The following RNF130 variants were observed in gnomAD, a reference collection of about 807,000 sequenced individuals.
RNF130 encodes E3 ubiquitin-protein ligase RNF130.
Under a neutral mutation model 44.6 loss-of-function variants are expected in RNF130, and 21 were observed. That is an observed-to-expected ratio of 0.47 (90% CI 0.33 to 0.68). RNF130 has a LOEUF of 0.68. Among genes scored for constraint, RNF130 ranks in the 30% least tolerant of loss-of-function variants. The pLI is 0.02. For synonymous variants in RNF130, 214 were observed against 210.4 expected, an observed-to-expected ratio of 1.02 and a Z score of -0.15; for missense variants, 479 against 560.6, an observed-to-expected ratio of 0.85 and a Z score of 1.47.
intron 5 of RNF130, among the ~76,000 whole-genome samples, chr5:179,976,388 A>C (rs1275946816): frequency 6.6e-6 from 1 of 152,218 alleles, no homozygotes; most frequent in Non-Finnish European, 1.5e-5. Flanking sequence ...ACAGCAAGAC[A>C]GAATTTGGAG....
At chr5:180,070,307 C>T (rs890689820) in intron 1 of RNF130, among the ~76,000 whole-genome samples, 1 of 152,212 alleles carries the variant, frequency 6.6e-6, no homozygotes, top group Non-Finnish European at 1.5e-5. Context: ...GCACCTTAAG[C>T]ACCTGATTAC....
At chr5:179,981,121 T>A (rs1469672908) in intron 3 of RNF130, among the ~76,000 whole-genome samples, 1 of 151,472 alleles carries the variant, frequency 6.6e-6, no homozygotes, top group East Asian at 1.9e-4. Context: ...GGGGTAGGAG[T>A]GGGTTCCAGG....
chr5:180,043,666 G>A (rs528412392), intron 1 of RNF130, among the ~76,000 whole-genome samples: 79 of 152,186 alleles, frequency 5.2e-4, no homozygotes, highest in South Asian at 4.0e-3. Flanking sequence ...CAAACATACT[G>A]CAGGAGGACT....
At chr5:180,007,893 A>G (rs1204761873) in intron 3 of RNF130, among the ~76,000 whole-genome samples, 1 of 151,902 alleles carries the variant, frequency 6.6e-6, no homozygotes, top group Non-Finnish European at 1.5e-5. Context: ...CCACTAACAC[A>G]GGCTTGCCTG....
intron 3 of RNF130, among the ~76,000 whole-genome samples, chr5:179,984,311 C>T (rs1408508287): frequency 2.0e-5 from 3 of 152,048 alleles, no homozygotes; most frequent in Non-Finnish European, 4.4e-5. Context: ...ATCTAAAGAA[C>T]AACGCAGAAA....
At chr5:179,914,050 C>G (rs1039063981) in exon 8 of RNF130, 45 of 152,262 alleles carry the variant, frequency 3.0e-4, no homozygotes, top group African/African-American at 1.0e-3. Context: ...AGTCCTTCTG[C>G]AAGGCTCTTA....
exon 8 of RNF130, chr5:179,911,880 C>A (rs891910422): frequency 3.3e-5 from 5 of 152,202 alleles, no homozygotes; most frequent in Non-Finnish European, 7.3e-5. Context: ...GTGTTCCAGA[C>A]AAGAAAACTC....
chr5:180,059,557 C>A (rs1467838596), intron 1 of RNF130, among the ~76,000 whole-genome samples: 1 of 152,156 alleles, frequency 6.6e-6, no homozygotes, highest in Non-Finnish European at 1.5e-5. Flanking sequence ...TTTTTCTGAT[C>A]CAGATGAATT....
At chr5:179,959,718 T>C (rs935975854) in intron 8 of RNF130, among the ~76,000 whole-genome samples, 2 of 152,124 alleles carry the variant, frequency 1.3e-5, no homozygotes, top group Non-Finnish European at 1.5e-5. Flanking sequence ...AAGGAGTTTA[T>C]ATATATAAAT....
chr5:179,918,657 G>A (rs549379535), exon 8 of RNF130: 13 of 152,164 alleles, frequency 8.5e-5, no homozygotes, highest in African/African-American at 2.6e-4. Flanking sequence ...TTTATAGTAC[G>A]AAGACTATCA....
In RNF130 at chr5:180,065,478, A is replaced by C. The variant is rs188425358; in HGVS notation, c.247+5978T>G. The stretch of plus-strand genomic sequence containing the variant: ...AAGAAGTGGTTAAAGTACAGGCACT[A>C]GGCCGGTCACGGTGGCTCACACTTG... On this transcript the variant is annotated intron_variant, in intron 1 of 8. Coordinates refer to ENST00000521389, the MANE Select transcript of RNF130 (RefSeq NM_018434.6). Among the ~76,000 whole-genome samples, 77 of 152,278 alleles carry C rather than the reference A, an allele frequency of 5.1e-4. 1 individual carries two copies. In the East Asian group the frequency reaches 0.013, roughly 26 times the overall value.
chr5:180,031,352 T>A, intron 2 of RNF130, among the ~76,000 whole-genome samples: 1 of 152,146 alleles, frequency 6.6e-6, no homozygotes, highest in Non-Finnish European at 1.5e-5. Flanking sequence ...CTGGGCATGG[T>A]GGCACGCACC....
intron 7 of RNF130, among the ~76,000 whole-genome samples, chr5:179,941,634 G>A (rs1157266207): frequency 6.6e-6 from 1 of 152,180 alleles, no homozygotes; most frequent in Non-Finnish European, 1.5e-5. Flanking sequence ...AAGTAGTGTT[G>A]AATACTGGAT....
chr5:179,955,813 G>A (rs773221188), intron 8 of RNF130, 144 bp from the exon 9 acceptor site: 22 of 592,010 alleles, frequency 3.7e-5, no homozygotes, highest in Non-Finnish European at 6.2e-5. Flanking sequence ...AAGCCATTAA[G>A]TGTTTTCCCA....
intron 7 of RNF130, among the ~76,000 whole-genome samples, chr5:179,923,768 TTCAA>T (rs1384916591): frequency 2.0e-5 from 3 of 152,246 alleles, no homozygotes; most frequent in Non-Finnish European, 2.9e-5. Context: ...TGCCCAATTC[TTCAA>T]TCACTCTTGC....
At chr5:179,976,398 G>A (rs1006366873) in intron 5 of RNF130, among the ~76,000 whole-genome samples, 2 of 152,186 alleles carry the variant, frequency 1.3e-5, no homozygotes, top group Admixed American at 1.3e-4. Context: ...AGAATTTGGA[G>A]AGCCTTGGCT....
chr5:179,980,406 T>C (rs1762805868), intron 3 of RNF130: 6 of 531,556 alleles, frequency 1.1e-5, no homozygotes, highest in Non-Finnish European at 2.0e-5. Flanking sequence ...TAGAACACCC[T>C]GTTAGGTCAA....
Position 179,998,486 on chromosome 5 carries a change from C to T in RNF130, c.693+14575G>A, listed in dbSNP as rs112920284. Among the ~76,000 whole-genome samples, 792 of 152,152 alleles carry T rather than the reference C, an allele frequency of 5.2e-3. 5 individuals carry two copies. Among genetic ancestry groups the T allele is most frequent in the African/African-American group, 0.018 (746 of 41,500 alleles). The stretch of plus-strand genomic sequence containing the variant: ...TTAAAAAGTTCTTAAAACTAAGAAA[C>T]GCCATCTCACTATATTGCCCAGGCT... On this transcript the variant is annotated intron_variant, in intron 3 of 8. Coordinates refer to ENST00000521389, the MANE Select transcript of RNF130 (RefSeq NM_018434.6).
intron 3 of RNF130, among the ~76,000 whole-genome samples, chr5:180,012,596 C>A (rs941842004): frequency 2.6e-5 from 4 of 152,182 alleles, no homozygotes; most frequent in Non-Finnish European, 4.4e-5. Flanking sequence ...TACCCCATGT[C>A]TGAGCTTAGA....
Sources: gnomAD v4.1 joint callset for allele counts (sites outside exome capture counted in the v4.1 genomes callset) on GRCh38, gnomAD v4.1.1 for gene constraint, MANE v1.5 for transcripts, NCBI Gene and HGNC (gene_info 2026-07-23, HGNC 2026-07-21) for gene names.